The following MB21D2 variants were observed in gnomAD, a reference collection of about 807,000 sequenced individuals.
MB21D2 encodes the protein Mab-21 domain containing 2.
MB21D2 carries 9 observed loss-of-function variants against 33.3 expected under a neutral mutation model. The ratio of observed to expected loss-of-function variants is 0.27; its 90% confidence interval spans 0.16 to 0.47. MB21D2 has a LOEUF of 0.47. MB21D2 is among the 20% of genes least tolerant of loss of function. The probability of loss-of-function intolerance (pLI) is 0.99; values close to 1 mark genes in which losing one functional copy is unlikely to be tolerated. For missense variants in MB21D2, 540 were observed against 624.6 expected (o/e 0.86, Z 1.44); for synonymous variants, 241 against 236.3 (o/e 1.02, Z -0.18).
chr3:192,836,340 A>C (rs981892469), intron 1 of MB21D2, among the ~76,000 whole-genome samples: 1 of 152,204 alleles, frequency 6.6e-6, no homozygotes, highest in Non-Finnish European at 1.5e-5. Flanking sequence ...CCTCTAACAC[A>C]CAAAAGCAGC....
At position 192,834,786 on chromosome 3, in the gene MB21D2, TA is replaced by T. The variant is rs1018060848; in HGVS notation, c.212-35137del. Among the ~76,000 whole-genome samples, 85 of 150,850 alleles carry T rather than the reference TA, an allele frequency of 5.6e-4. 1 individual carries two copies. The highest frequency in any genetic ancestry group is 2.0e-3 in the African/African-American group (81 of 40,976). On this transcript the variant is annotated intron_variant, in intron 1 of 1. Coordinates refer to ENST00000392452, the MANE Select transcript of MB21D2 (RefSeq NM_178496.4). The stretch of plus-strand genomic sequence containing the variant: ...GCAGACAATTACTTTCTACCACAGG[TA>T]CAGATGTTTGAGAGGATTGTTCTTT...
intron 1 of MB21D2, among the ~76,000 whole-genome samples, chr3:192,849,472 C>T (rs1163900912): frequency 6.6e-6 from 1 of 152,086 alleles, no homozygotes; most frequent in Non-Finnish European, 1.5e-5. Flanking sequence ...CATGTGCCAC[C>T]ACGCCCAGCT....
chr3:192,901,096 T>C (rs1714090493), intron 1 of MB21D2, among the ~76,000 whole-genome samples: 2 of 152,028 alleles, frequency 1.3e-5, no homozygotes, highest in South Asian at 4.1e-4. Flanking sequence ...CGGCCCGAGA[T>C]GGCAGAGAGG....
chr3:192,901,411 TTCA>T (rs1209078394), intron 1 of MB21D2, among the ~76,000 whole-genome samples: 1 of 28,136 alleles, frequency 3.6e-5, no homozygotes, highest in African/African-American at 1.6e-4. Context: ...CTACTAAAAA[TTCA>T]AAAAAAAAAA....
At chr3:192,836,489 G>A (rs1712442035) in intron 1 of MB21D2, among the ~76,000 whole-genome samples, 1 of 152,216 alleles carries the variant, frequency 6.6e-6, no homozygotes, top group South Asian at 2.1e-4. Flanking sequence ...GGCTGTTAGA[G>A]GGAGTCCTAA....
chr3:192,815,821 T>G (rs1198093373), intron 1 of MB21D2, among the ~76,000 whole-genome samples: 2 of 152,234 alleles, frequency 1.3e-5, no homozygotes, highest in Non-Finnish European at 2.9e-5. Flanking sequence ...CGTATCTTCC[T>G]CTACCCATCA....
Position 192,861,707 on chromosome 3 carries a change from G to C in MB21D2, c.211+55923C>G, listed in dbSNP as rs1223719701. On this transcript the variant is annotated intron_variant, in intron 1 of 1. Coordinates refer to ENST00000392452, the MANE Select transcript of MB21D2 (RefSeq NM_178496.4). ...TAATCCCAGCTACTCGGGAGGCTAAGGCAGGAGAATCACTTGAACCCGGGA... is the reference window on the plus strand; with the variant it reads ...TAATCCCAGCTACTCGGGAGGCTAACGCAGGAGAATCACTTGAACCCGGGA... 6.6e-5 allele frequency among the ~76,000 whole-genome samples: 10 copies of C among 152,330 alleles called. No homozygotes were observed. The East Asian group carries it at 1.2e-3, about 18-fold the overall frequency.
At chr3:192,819,721 T>C (rs1407558887) in intron 1 of MB21D2, among the ~76,000 whole-genome samples, 1 of 152,118 alleles carries the variant, frequency 6.6e-6, no homozygotes, top group Non-Finnish European at 1.5e-5. Flanking sequence ...GCTGGAGTGG[T>C]CCCCAAGTCC....
chr3:192,834,022 T>C (rs892213841), intron 1 of MB21D2, among the ~76,000 whole-genome samples: 1 of 152,174 alleles, frequency 6.6e-6, no homozygotes, highest in African/African-American at 2.4e-5. Flanking sequence ...AGGTCAACGA[T>C]CTCAGTTCAT....
intron 1 of MB21D2, among the ~76,000 whole-genome samples, chr3:192,800,765 G>A (rs1249725336): frequency 5.9e-5 from 9 of 152,110 alleles, no homozygotes; most frequent in East Asian, 1.9e-4. Context: ...TTCATGGAAC[G>A]CCATTTTTAC....
rs552057393 is a variant in MB21D2 at position 192,877,977 on chromosome 3, GA to G, written c.211+39652del. Among the ~76,000 whole-genome samples the G allele has an allele frequency of 3.4e-3, 333 of 96,536 alleles. 2 individuals carry two copies. The highest frequency in any genetic ancestry group is 8.7e-3 in the African/African-American group (241 of 27,636). The allele number at this position is 96,536 out of a possible 152,430, so 63.3% of individuals were successfully genotyped here. A position where few individuals can be genotyped will look rare whatever the true frequency, so the allele number is the denominator to read the frequency against. On this transcript the variant is annotated intron_variant, in intron 1 of 1. Transcript: ENST00000392452. ...TTCACATGAACCTGTTATTGAAAAA[GA>G]AAAAAAAAAAAGAAAAAGAAACACT...
chr3:192,816,645 T>C (rs1367931978), intron 1 of MB21D2, among the ~76,000 whole-genome samples: 2 of 152,210 alleles, frequency 1.3e-5, no homozygotes, highest in Non-Finnish European at 2.9e-5. Context: ...TTTGCAGCAA[T>C]TCTACTGTCA....
rs568137129 is a variant in MB21D2 at position 192,801,737 on chromosome 3, C to T, written c.212-2087G>A. Among the ~76,000 whole-genome samples the T allele has an allele frequency of 2.6e-5, 4 of 152,284 alleles. No individual in the cohort carries two copies. In the South Asian group the frequency reaches 8.3e-4, roughly 32 times the overall value. On this transcript the variant is annotated intron_variant, in intron 1 of 1. Transcript: ENST00000392452. ...CATCCAGAATGGTGAGAAATAAATC[C>T]CTGCTGTTTATAAGCTACTCAGTTT...
intron 1 of MB21D2, among the ~76,000 whole-genome samples, chr3:192,852,816 C>A (rs1049413315): frequency 6.6e-6 from 1 of 152,196 alleles, no homozygotes; most frequent in Non-Finnish European, 1.5e-5. Flanking sequence ...CACTTCCAGT[C>A]ACTTTAACCA....
chr3:192,914,451 C>T (rs372253291), intron 1 of MB21D2, among the ~76,000 whole-genome samples: 21 of 152,302 alleles, frequency 1.4e-4, no homozygotes, highest in African/African-American at 4.8e-4. Context: ...AAACCAGTCT[C>T]TATCGAACCT....
At chr3:192,881,056 A>T (rs1713555729) in intron 1 of MB21D2, among the ~76,000 whole-genome samples, 1 of 152,098 alleles carries the variant, frequency 6.6e-6, no homozygotes, top group South Asian at 2.1e-4. Context: ...TGGATGTTCC[A>T]AAAATTGTTC....
chr3:192,874,144 A>G (rs1713379591), intron 1 of MB21D2, among the ~76,000 whole-genome samples: 1 of 152,198 alleles, frequency 6.6e-6, no homozygotes, highest in African/African-American at 2.4e-5. Context: ...AGAAGCATCC[A>G]GGGGGTCTAG....
chr3:192,891,593 TCTAGATGACA>T (rs1453905317), intron 1 of MB21D2, among the ~76,000 whole-genome samples: 1 of 152,228 alleles, frequency 6.6e-6, no homozygotes, highest in East Asian at 1.9e-4. Flanking sequence ...CAAATGAGGT[TCTAGATGACA>T]CTGTTTAACA....
rs1347091900 is a variant in MB21D2, at chr3:192,824,099, G to A, written c.212-24449C>T. On this transcript the variant is annotated intron_variant, in intron 1 of 1. Coordinates refer to ENST00000392452, the MANE Select transcript of MB21D2 (RefSeq NM_178496.4). Reference sequence around the variant, plus strand: ...TAGATCACTGAGGGATGTAAATTCCGAAGGAAGAATTTAGGACCTCACCCC... The same window carrying A: ...TAGATCACTGAGGGATGTAAATTCCAAAGGAAGAATTTAGGACCTCACCCC... 2.6e-5 allele frequency among the ~76,000 whole-genome samples: 4 copies of A among 152,088 alleles called. 1 individual carries two copies. The South Asian group carries it at 6.2e-4, about 24-fold the overall frequency.
Sources: gnomAD v4.1 joint callset for allele counts (sites outside exome capture counted in the v4.1 genomes callset) on GRCh38, gnomAD v4.1.1 for gene constraint, MANE v1.5 for transcripts, NCBI Gene and HGNC (gene_info 2026-07-23, HGNC 2026-07-21) for gene names.